WDR7: variants seen among roughly 807,000 people sequenced by gnomAD.
The protein encoded by WDR7 is WD repeat domain 7.
A neutral mutation model predicts 169.4 loss-of-function variants in WDR7; 46 were observed. The ratio of observed to expected loss-of-function variants is 0.27; its 90% CI spans 0.21 to 0.35. The LOEUF is 0.35. Ranked by LOEUF, WDR7 falls within the 10% of genes least tolerant of loss-of-function variation. WDR7 has a pLI of 1.00. For missense variants in WDR7, 1,534 were observed against 1,859.3 expected (o/e 0.83, Z 3.22); for synonymous variants, 612 against 666.8 (o/e 0.92, Z 1.27).
chr18:56,746,415 G>C, intron 14 of WDR7, among the ~76,000 whole-genome samples: 1 of 152,180 alleles, frequency 6.6e-6, no homozygotes, highest in Non-Finnish European at 1.5e-5. Flanking sequence ...TAAAAGGGGA[G>C]CAGATTTATC....
chr18:56,826,370 G>A (rs1325030054), intron 20 of WDR7, among the ~76,000 whole-genome samples: 4 of 139,324 alleles, frequency 2.9e-5, no homozygotes, highest in Admixed American at 7.0e-5. Context: ...GGAAAAACAG[G>A]TTTTAAAATA....
At chr18:56,853,996 A>G (rs1021294928) in intron 20 of WDR7, among the ~76,000 whole-genome samples, 3 of 152,200 alleles carry the variant, frequency 2.0e-5, no homozygotes, top group African/African-American at 7.2e-5. Flanking sequence ...TGTTGTTATG[A>G]ACATCTGATT....
intron 27 of WDR7, among the ~76,000 whole-genome samples, chr18:57,022,303 C>G (rs1357754918): frequency 6.6e-6 from 1 of 152,166 alleles, no homozygotes; most frequent in Non-Finnish European, 1.5e-5. Flanking sequence ...TACAAATTTT[C>G]TTTTATTTCC....
intron 26 of WDR7, among the ~76,000 whole-genome samples, chr18:56,976,114 A>G (rs2047561208): frequency 1.3e-5 from 2 of 152,158 alleles, no homozygotes; most frequent in Non-Finnish European, 2.9e-5. Flanking sequence ...AGGCTTTGGA[A>G]ATGATCCCAG....
At chr18:56,818,489 A>G (rs989889226) in intron 20 of WDR7, among the ~76,000 whole-genome samples, 2 of 152,164 alleles carry the variant, frequency 1.3e-5, no homozygotes, top group Non-Finnish European at 2.9e-5. Context: ...TGATTTATCC[A>G]TTTCCTGTCA....
intron 26 of WDR7, among the ~76,000 whole-genome samples, chr18:56,997,652 C>T (rs1264642015): frequency 1.3e-5 from 2 of 152,110 alleles, no homozygotes; most frequent in Admixed American, 6.6e-5. Context: ...AAATTATTCA[C>T]TCCTTGTAAA....
At position 56,757,304 on chromosome 18, in the gene WDR7, T is replaced by C; in HGVS notation, c.2711T>C (p.Met904Thr). 6.2e-7 allele frequency: 1 copy of C among 1,613,606 alleles called. No homozygotes were observed. Among genetic ancestry groups the C allele is most frequent in the Non-Finnish European group, 8.5e-7 (1 of 1,179,566 alleles). ...IISLANTLMSMTNATFIGDHM... is the reference protein window; with the variant it reads ...IISLANTLMSTTNATFIGDHM... ...TCTTTGGCAAATACTTTAATGAGTA[T>C]GACCAATGCAACTTTTATTGGTGAT... is the stretch of plus-strand genomic sequence containing the variant. Residue 904 changes from methionine to threonine, a missense_variant, in exon 15 of 28, where the codon ATG (methionine) becomes ACG (threonine). Physicochemically the swap from Met to Thr is moderately conservative, Grantham distance 81. Transcript: ENST00000254442.
At chr18:56,693,773 T>C (rs1358002876) in intron 9 of WDR7, among the ~76,000 whole-genome samples, 1 of 152,046 alleles carries the variant, frequency 6.6e-6, no homozygotes, top group East Asian at 1.9e-4. Flanking sequence ...GGTTTCACCA[T>C]GTTGGCCAGG....
intron 25 of WDR7, among the ~76,000 whole-genome samples, chr18:56,942,866 A>T (rs2047052217): frequency 6.6e-6 from 1 of 152,242 alleles, no homozygotes; most frequent in South Asian, 2.1e-4. Flanking sequence ...TCAGATTTAT[A>T]ACAAAGTTAT....
chr18:56,721,732 A>G (rs1271317675), intron 13 of WDR7: 1 of 152,216 alleles, frequency 6.6e-6, no homozygotes, highest in Non-Finnish European at 1.5e-5. Flanking sequence ...TGTTTGGGAA[A>G]CAGGCATGCT....
At chr18:56,752,228 G>A (rs1273731978) in intron 14 of WDR7, among the ~76,000 whole-genome samples, 1 of 152,186 alleles carries the variant, frequency 6.6e-6, no homozygotes, top group Non-Finnish European at 1.5e-5. Flanking sequence ...TCCCGAGCCT[G>A]CAGGATAAAG....
Position 57,027,059 on chromosome 18 carries a change from G to A in WDR7, c.4325G>A (p.Arg1442His), listed in dbSNP as rs766301429. Residue 1442 changes from arginine (R) to histidine (H), a missense_variant, in exon 28 of 28, where the codon CGC (arginine) becomes CAC (histidine). Coordinates refer to ENST00000254442, the MANE Select transcript of WDR7 (RefSeq NM_015285.3). ...IGMLNSAPQLRCIKTYQVPPV... is the reference protein window; with the variant it reads ...IGMLNSAPQLHCIKTYQVPPV... ...ATGCTGAACTCGGCACCTCAGCTGC[G>A]CTGCATTAAAACCTACCAGGTGCCC... is the stretch of plus-strand genomic sequence containing the variant. 8.1e-6 allele frequency: 13 copies of A among 1,614,004 alleles called. No individual in the cohort carries two copies. The highest frequency in any genetic ancestry group is 1.3e-5 in the African/African-American group (1 of 74,920).
At chr18:56,934,405 A>G (rs2046930278) in intron 22 of WDR7, among the ~76,000 whole-genome samples, 1 of 151,892 alleles carries the variant, frequency 6.6e-6, no homozygotes, top group Non-Finnish European at 1.5e-5. Flanking sequence ...CTTCCATGGC[A>G]GGGAGGTGGG....
At chr18:56,804,180 C>T (rs2044726612) in intron 19 of WDR7, among the ~76,000 whole-genome samples, 2 of 152,178 alleles carry the variant, frequency 1.3e-5, no homozygotes, top group Admixed American at 6.5e-5. Context: ...GGCAGCCTGG[C>T]TGGGTTGCCA....
chr18:56,700,506 C>T (rs1483956427), intron 12 of WDR7, among the ~76,000 whole-genome samples: 4 of 150,802 alleles, frequency 2.7e-5, no homozygotes, highest in Non-Finnish European at 4.4e-5. Context: ...CCACCCACCT[C>T]GGCCTCTCAA....
At chr18:56,758,250 C>G in intron 15 of WDR7, among the ~76,000 whole-genome samples, 1 of 152,182 alleles carries the variant, frequency 6.6e-6, no homozygotes, top group South Asian at 2.1e-4. Flanking sequence ...ACTTATATAG[C>G]ACTTACTTTG....
intron 19 of WDR7, among the ~76,000 whole-genome samples, chr18:56,808,301 A>G (rs942170258): frequency 2.0e-5 from 3 of 152,214 alleles, no homozygotes; most frequent in Non-Finnish European, 4.4e-5. Context: ...GTAAATGTTC[A>G]TATCAAATTA....
At chr18:57,005,085 T>G (rs1479881881) in intron 26 of WDR7, among the ~76,000 whole-genome samples, 1 of 152,196 alleles carries the variant, frequency 6.6e-6, no homozygotes, top group African/African-American at 2.4e-5. Context: ...ATCTGTATTT[T>G]ATAATACCGT....
At chr18:57,013,613 C>T (rs979475598) in intron 26 of WDR7, among the ~76,000 whole-genome samples, 10 of 152,246 alleles carry the variant, frequency 6.6e-5, no homozygotes, top group South Asian at 4.2e-4. Flanking sequence ...AGAGGGTTAA[C>T]GAGCAATAAA....
Sources: gnomAD v4.1 joint callset for allele counts (sites outside exome capture counted in the v4.1 genomes callset) on GRCh38, gnomAD v4.1.1 for gene constraint, MANE v1.5 for transcripts, NCBI Gene and HGNC (gene_info 2026-07-23, HGNC 2026-07-21) for gene names.